The following NEMP2 variants were observed in gnomAD, a reference collection of about 807,000 sequenced individuals.
NEMP2 encodes nuclear envelope integral membrane protein 2.
Under a neutral mutation model 54.2 loss-of-function variants are expected in NEMP2, and 53 were observed. That is an observed-to-expected ratio of 0.98 (90% CI 0.78 to 1.23). The LOEUF (loss-of-function observed/expected upper bound fraction) is 1.23, where lower values mean the gene tolerates loss of function less well. Among genes scored for constraint, NEMP2 ranks in the 50% most tolerant of loss-of-function variants. The pLI is 0.00. For synonymous variants in NEMP2, 197 were observed against 190.3 expected, an observed-to-expected ratio of 1.04 and a Z score of -0.29; for missense variants, 455 against 511.3, an observed-to-expected ratio of 0.89 and a Z score of 1.06.
the NEMP2 span, among the ~76,000 whole-genome samples, chr2:190,482,414 T>TA: frequency 6.6e-6 from 1 of 151,828 alleles, no homozygotes; most frequent in Admixed American, 6.6e-5. Flanking sequence ...TTTTTTTTTT[T>TA]AATCCCAGAA....
the NEMP2 span, among the ~76,000 whole-genome samples, chr2:190,550,728 T>C: frequency 6.6e-6 from 1 of 152,212 alleles, no homozygotes; most frequent in East Asian, 1.9e-4. This position sits in a 1 kb window ranked among gnomAD's most constrained non-coding sequence, Gnocchi z 4.7. Context: ...TCACACTTAT[T>C]ATTAGTTTCA....
the NEMP2 span, among the ~76,000 whole-genome samples, chr2:190,635,223 CT>C: frequency 0.013 from 1,940 of 152,046 alleles, 31 homozygotes; most frequent in African/African-American, 0.034. The surrounding 1 kb of genome is among the most constrained non-coding windows in gnomAD (Gnocchi z 4.1). Context: ...CATCTGCAAT[CT>C]TTTTTTTAAG....
the NEMP2 span, among the ~76,000 whole-genome samples, chr2:190,493,641 A>C: frequency 1.3e-5 from 2 of 152,196 alleles, no homozygotes; most frequent in East Asian, 1.9e-4. Context: ...AGTCTCAATA[A>C]ATTTAAGAAA....
chr2:190,551,597 T>G, the NEMP2 span, among the ~76,000 whole-genome samples: 2 of 152,134 alleles, frequency 1.3e-5, no homozygotes, highest in Non-Finnish European at 2.9e-5. Context: ...TATTTTAGCT[T>G]CTTTTGAAAT....
In NEMP2 at chr2:190,504,859, C is replaced by T. The variant is rs1183896981; in HGVS notation, c.*4330G>A. 6.6e-6 allele frequency: 1 copy of T among 152,162 alleles called. No individual in the cohort carries two copies. Among genetic ancestry groups the T allele is most frequent in the Non-Finnish European group, 1.5e-5 (1 of 68,032 alleles). 9.4% of individuals were successfully genotyped at this position (152,162 alleles called of 1,614,324 possible). ...CTCAATGACTGGTGCTGTCAAACTA[C>T]TGCTGGTATGTGACAACATAGAAAT... On this transcript the variant is annotated 3_prime_UTR_variant, in exon 9 of 9. Coordinates refer to ENST00000409150, the MANE Select transcript of NEMP2 (RefSeq NM_001142645.2). This position sits in a 1 kb window ranked among gnomAD's most constrained non-coding sequence, Gnocchi z 5.6.
At chr2:190,645,534 A>G in the NEMP2 span, among the ~76,000 whole-genome samples, 3 of 152,246 alleles carry the variant, frequency 2.0e-5, no homozygotes, top group Non-Finnish European at 2.9e-5. Flanking sequence ...AATACAATTC[A>G]TACTAATAAC....
rs540624064 is a variant in NEMP2 at position 190,522,575 on chromosome 2, A to G, written c.213+2688T>C. On this transcript the variant is annotated intron_variant, in intron 2 of 8. Coordinates refer to ENST00000409150, the MANE Select transcript of NEMP2 (RefSeq NM_001142645.2). This position sits in a 1 kb window ranked among gnomAD's most constrained non-coding sequence, Gnocchi z 5.0. ...TTAACCTGAAAAATTGGTTCAGGCT[A>G]TGCCAGGAAGCAGGGGTTGGACATG... Among the ~76,000 whole-genome samples, 27 of 152,294 alleles carry G rather than the reference A, an allele frequency of 1.8e-4. No homozygotes were observed. Among genetic ancestry groups the G allele is most frequent in the African/African-American group, 6.3e-4 (26 of 41,562 alleles).
chr2:190,610,087 G>T, the NEMP2 span: 1 of 152,102 alleles, frequency 6.6e-6, no homozygotes, highest in East Asian at 1.9e-4. The surrounding 1 kb of genome is among the most constrained non-coding windows in gnomAD (Gnocchi z 5.4). Context: ...CAAAAAATTA[G>T]AATTTAATCC....
At chr2:190,426,349 A>G in the NEMP2 span, among the ~76,000 whole-genome samples, 2 of 151,574 alleles carry the variant, frequency 1.3e-5, no homozygotes, top group Non-Finnish European at 2.9e-5. This position sits in a 1 kb window ranked among gnomAD's most constrained non-coding sequence, Gnocchi z 4.7. Context: ...ATTAAGATTT[A>G]TTTTTGTGGT....
the NEMP2 span, among the ~76,000 whole-genome samples, chr2:190,470,883 A>T: frequency 6.6e-6 from 1 of 151,484 alleles, no homozygotes; most frequent in Non-Finnish European, 1.5e-5. Context: ...TTATATTCAC[A>T]TTATAATTAT....
chr2:190,639,936 C>A, the NEMP2 span, among the ~76,000 whole-genome samples: 2 of 152,110 alleles, frequency 1.3e-5, no homozygotes, highest in Non-Finnish European at 2.9e-5. Flanking sequence ...TCGTGAGCCA[C>A]TGTGCCTGGC....
At chr2:190,575,848 T>A in the NEMP2 span, among the ~76,000 whole-genome samples, 1 of 147,730 alleles carries the variant, frequency 6.8e-6, no homozygotes, top group Admixed American at 6.8e-5. Flanking sequence ...AAAGCAAGAC[T>A]CCATCTCAAC....
In NEMP2 at chr2:190,531,494, A is replaced by G. The variant is rs1326538882; in HGVS notation, c.97+3065T>C. On this transcript the variant is annotated intron_variant, in intron 1 of 8. Transcript: ENST00000409150. The surrounding 1 kb of genome is among the most constrained non-coding windows in gnomAD (Gnocchi z 4.7). ...ATTAACCTGACTTCTAGAGAACAGT[A>G]TATTTCTGGATAGTTGTGCCCAAAT... Among the ~76,000 whole-genome samples, 1 of 152,230 alleles carries G rather than the reference A, an allele frequency of 6.6e-6. No individual in the cohort carries two copies. Among genetic ancestry groups the G allele is most frequent in the African/African-American group, 2.4e-5 (1 of 41,458 alleles).
the NEMP2 span, among the ~76,000 whole-genome samples, chr2:190,427,739 CT>C: frequency 2.8e-5 from 4 of 140,480 alleles, no homozygotes; most frequent in East Asian, 4.1e-4. Flanking sequence ...TTTTTTTTTT[CT>C]TTTTTTTTGA....
In NEMP2 at chr2:190,519,920, C is replaced by T. The variant is rs1690696368; in HGVS notation, c.214-737G>A. 1.3e-5 allele frequency among the ~76,000 whole-genome samples: 2 copies of T among 152,202 alleles called. No individual in the cohort carries two copies. The highest frequency in any genetic ancestry group is 1.3e-4 in the Admixed American group (2 of 15,284). Reference sequence around the variant, plus strand: ...CCATTTTTTCAACAGCATGTGCTCACTTCATGTCTTTGTGTCAGCATGTTT... The same window carrying T: ...CCATTTTTTCAACAGCATGTGCTCATTTCATGTCTTTGTGTCAGCATGTTT... On this transcript the variant is annotated intron_variant, in intron 2 of 8. Coordinates refer to ENST00000409150, the MANE Select transcript of NEMP2 (RefSeq NM_001142645.2). The surrounding 1 kb of genome is among the most constrained non-coding windows in gnomAD (Gnocchi z 5.4).
rs1336569327 is a variant in NEMP2 at position 190,519,643 on chromosome 2, CAA to C, written c.214-462_214-461del. Among the ~76,000 whole-genome samples, 2 of 152,196 alleles carry C rather than the reference CAA, an allele frequency of 1.3e-5. No homozygotes were observed. Among genetic ancestry groups the C allele is most frequent in the African/African-American group, 2.4e-5 (1 of 41,434 alleles). On this transcript the variant is annotated intron_variant, in intron 2 of 8. Transcript: ENST00000409150. This position sits in a 1 kb window ranked among gnomAD's most constrained non-coding sequence, Gnocchi z 5.4. ...TATGTTCTGATCCCAGAGGTGGACT[CAA>C]GAGATCTGTATTTAGTCCAAACACA...
At chr2:190,491,670 G>A in the NEMP2 span, among the ~76,000 whole-genome samples, 5 of 152,168 alleles carry the variant, frequency 3.3e-5, no homozygotes, top group East Asian at 9.6e-4. The surrounding 1 kb of genome is among the most constrained non-coding windows in gnomAD (Gnocchi z 4.2). Context: ...AGCCTTGAGT[G>A]CCAGCCCTTC....
At chr2:190,601,910 G>T in the NEMP2 span, among the ~76,000 whole-genome samples, 1 of 152,318 alleles carries the variant, frequency 6.6e-6, no homozygotes, top group Middle Eastern at 3.4e-3. The surrounding 1 kb of genome is among the most constrained non-coding windows in gnomAD (Gnocchi z 5.8). Context: ...TAGAATTTTG[G>T]AAGAATCTTT....
chr2:190,517,190 A>G lies in NEMP2; in HGVS notation c.612+330T>C, dbSNP rs141367328. On this transcript the variant is annotated intron_variant, in intron 5 of 8. Transcript: ENST00000409150. The stretch of plus-strand genomic sequence containing the variant: ...CTGTTATTCAAGGCCCCAATGGTTC[A>G]GCATCATGAGATTCCCAGCTCTATA... Among the ~76,000 whole-genome samples, 181 of 152,166 alleles carry G rather than the reference A, an allele frequency of 1.2e-3. 1 individual carries two copies. The highest frequency in any genetic ancestry group is 4.2e-3 in the African/African-American group (175 of 41,514).
Sources: gnomAD v4.1 joint callset for allele counts (sites outside exome capture counted in the v4.1 genomes callset) on GRCh38, gnomAD v4.1.1 for gene constraint, Gnocchi (gnomAD v3.1) non-coding constraint, MANE v1.5 for transcripts, NCBI Gene and HGNC (gene_info 2026-07-23, HGNC 2026-07-21) for gene names.